Variants in KLHL29 observed in about 807,000 individuals in gnomAD.
KLHL29 encodes the protein kelch-like protein 29.
Under a neutral mutation model 80.4 loss-of-function variants are expected in KLHL29, and 21 were observed. The ratio of observed to expected loss-of-function variants is 0.26; its 90% CI spans 0.19 to 0.38. The LOEUF is 0.38. Among genes scored for constraint, KLHL29 ranks in the 10% least tolerant of loss-of-function variants. The pLI is 1.00. For missense variants in KLHL29, 867 were observed against 1,223.9 expected (o/e 0.71, Z 4.35); for synonymous variants, 511 against 526.8 (o/e 0.97, Z 0.41).
intron 2 of KLHL29, among the ~76,000 whole-genome samples, chr2:23,487,930 G>A (rs767496404): frequency 5.9e-5 from 9 of 152,154 alleles, no homozygotes; most frequent in African/African-American, 1.2e-4. Context: ...ACAGTGGCTC[G>A]GTGCATGCTC....
chr2:23,666,202 C>G (rs1352559454), intron 5 of KLHL29, among the ~76,000 whole-genome samples: 7 of 152,236 alleles, frequency 4.6e-5, no homozygotes, highest in Admixed American at 4.6e-4. Context: ...CAAAGCCTCC[C>G]AAATGATGAC....
chr2:23,406,358 C>G, intron 1 of KLHL29, among the ~76,000 whole-genome samples: 1 of 149,958 alleles, frequency 6.7e-6, no homozygotes, highest in Non-Finnish European at 1.5e-5. Flanking sequence ...AGAAAACACA[C>G]ATATTATCTA....
chr2:23,415,614 A>T (rs759094273), intron 1 of KLHL29, among the ~76,000 whole-genome samples: 1 of 152,184 alleles, frequency 6.6e-6, no homozygotes, highest in Non-Finnish European at 1.5e-5. Context: ...GTAGCTTTGC[A>T]TGAAGGTTTC....
intron 4 of KLHL29, 100 bp from the exon 5 acceptor site, chr2:23,642,238 C>G (rs554323069): frequency 1.8e-6 from 2 of 1,132,772 alleles, no homozygotes; most frequent in East Asian, 5.8e-5. Flanking sequence ...GTGTCTCGTT[C>G]CCCTCTGTGA....
intron 2 of KLHL29, among the ~76,000 whole-genome samples, chr2:23,553,548 G>A (rs565796854): frequency 8.6e-4 from 131 of 152,292 alleles, no homozygotes; most frequent in African/African-American, 2.9e-3. Flanking sequence ...TGGAGGTGCC[G>A]AACACCTCAC....
At chr2:23,424,878 G>A (rs934845772) in intron 1 of KLHL29, among the ~76,000 whole-genome samples, 1 of 152,174 alleles carries the variant, frequency 6.6e-6, no homozygotes, top group Non-Finnish European at 1.5e-5. Flanking sequence ...AAAAATGCAC[G>A]AATTCTAACG....
chr2:23,453,804 ATTT>A (rs142588377), intron 1 of KLHL29, among the ~76,000 whole-genome samples: 1 of 150,370 alleles, frequency 6.7e-6, no homozygotes, highest in Non-Finnish European at 1.5e-5. Context: ...TTTGTTTTGT[ATTT>A]TTTTTTTAGA....
Position 23,696,258 on chromosome 2 carries a change from C to T in KLHL29, c.1925-75C>T, listed in dbSNP as rs1671947837. 1.1e-5 allele frequency: 16 copies of T among 1,497,996 alleles called. No individual in the cohort carries two copies. The highest frequency in any genetic ancestry group is 2.1e-4 in the Middle Eastern group (1 of 4,872). The allele number at this position is 1,497,996 out of a possible 1,614,324, so 92.8% of individuals were successfully genotyped here. A position where few individuals can be genotyped will look rare whatever the true frequency, so the allele number is the denominator to read the frequency against. Reference sequence around the variant, plus strand: ...CTTTGCAGGTGAAGCCTTCCTCTGCCCCTGGGGCTGGGCCTGCTGACCCCA... The same window carrying T: ...CTTTGCAGGTGAAGCCTTCCTCTGCTCCTGGGGCTGGGCCTGCTGACCCCA... On this transcript the variant is annotated intron_variant, in intron 10 of 13. Transcript: ENST00000486442. This position sits in a 1 kb window ranked among gnomAD's most constrained non-coding sequence, Gnocchi z 5.5.
intron 3 of KLHL29, among the ~76,000 whole-genome samples, chr2:23,567,994 G>T (rs1359714015): frequency 6.6e-6 from 1 of 152,198 alleles, no homozygotes; most frequent in East Asian, 1.9e-4. Flanking sequence ...ATTACAGTTT[G>T]ATTGTGTATT....
intron 2 of KLHL29, among the ~76,000 whole-genome samples, chr2:23,537,526 C>A (rs893846636): frequency 2.7e-5 from 4 of 145,598 alleles, no homozygotes; most frequent in Non-Finnish European, 4.6e-5. Flanking sequence ...CACTCATGCC[C>A]AATATTATGT....
intron 3 of KLHL29, among the ~76,000 whole-genome samples, chr2:23,598,037 G>A (rs753934341): frequency 6.6e-6 from 1 of 152,228 alleles, no homozygotes; most frequent in Non-Finnish European, 1.5e-5. Flanking sequence ...GAAAGTCAGT[G>A]AGAGATGAGG....
At chr2:23,580,402 G>T (rs996658472) in intron 3 of KLHL29, among the ~76,000 whole-genome samples, 16 of 134,158 alleles carry the variant, frequency 1.2e-4, no homozygotes, top group Non-Finnish European at 2.1e-4. Context: ...TAGGCCAGGC[G>T]CGGTGGCTCA....
chr2:23,413,480 C>T (rs1372973471), intron 1 of KLHL29, among the ~76,000 whole-genome samples: 1 of 152,198 alleles, frequency 6.6e-6, no homozygotes, highest in African/African-American at 2.4e-5. Flanking sequence ...CCAGGACTGC[C>T]ATCACCGGGC....
intron 1 of KLHL29, among the ~76,000 whole-genome samples, chr2:23,421,207 C>T (rs889028519): frequency 6.6e-6 from 1 of 152,268 alleles, no homozygotes; most frequent in African/African-American, 2.4e-5. Context: ...TCCTCCTGGT[C>T]TGTCACATGC....
chr2:23,551,493 T>G (rs1667123965), intron 2 of KLHL29, among the ~76,000 whole-genome samples: 1 of 152,234 alleles, frequency 6.6e-6, no homozygotes, highest in South Asian at 2.1e-4. Context: ...ACAGGGAGAT[T>G]GCTTTTTGTG....
chr2:23,493,031 T>C (rs1665151867), intron 2 of KLHL29, among the ~76,000 whole-genome samples: 2 of 152,214 alleles, frequency 1.3e-5, no homozygotes, highest in Admixed American at 1.3e-4. Context: ...CAGGATCTAA[T>C]GGGCAGTTGG....
intron 2 of KLHL29, among the ~76,000 whole-genome samples, chr2:23,494,066 G>C (rs1182467788): frequency 6.6e-6 from 1 of 152,136 alleles, no homozygotes; most frequent in Non-Finnish European, 1.5e-5. Flanking sequence ...GAAAATCTGA[G>C]AATACAAATT....
rs751109238 is a variant in KLHL29 at position 23,562,597 on chromosome 2, C to A, written c.285+116C>A. On this transcript the variant is annotated intron_variant, in intron 3 of 13. Transcript: ENST00000486442. This position sits in a 1 kb window ranked among gnomAD's most constrained non-coding sequence, Gnocchi z 4.5. ...CAGCCTGTGCTCCACGCCCCGAGTC[C>A]TCCAGAGTCTTGTCCTTCCAGGACC... is the stretch of plus-strand genomic sequence containing the variant. The A allele has an allele frequency of 2.1e-5, 22 of 1,033,676 alleles. No individual in the cohort carries two copies. Among genetic ancestry groups the A allele is most frequent in the Non-Finnish European group, 3.0e-5 (22 of 732,984 alleles). The allele number at this position is 1,033,676 out of a possible 1,614,324, so 64.0% of individuals were successfully genotyped here.
chr2:23,648,237 C>G (rs1161626297), intron 5 of KLHL29, among the ~76,000 whole-genome samples: 1 of 152,128 alleles, frequency 6.6e-6, no homozygotes. Context: ...CCTCAGTTTC[C>G]TCATCTATAA....
Sources: gnomAD v4.1 joint callset for allele counts (sites outside exome capture counted in the v4.1 genomes callset) on GRCh38, gnomAD v4.1.1 for gene constraint, Gnocchi (gnomAD v3.1) non-coding constraint, MANE v1.5 for transcripts, NCBI Gene and HGNC (gene_info 2026-07-23, HGNC 2026-07-21) for gene names.